Variants in GRB10 observed in about 807,000 individuals in gnomAD.
GRB10 encodes the protein growth factor receptor-bound protein 10.
In GRB10, 20 loss-of-function variants were observed where a neutral mutation model predicts 80.9. The observed-to-expected ratio is 0.25, with a 90% CI of 0.17 to 0.36. The LOEUF is 0.36. Ranked by LOEUF, GRB10 falls within the 10% of genes least tolerant of loss-of-function variation. The pLI is 1.00. For synonymous variants in GRB10, 291 were observed against 291.5 expected (o/e 1.00, Z 0.02); for missense variants, 548 against 747.7 (o/e 0.73, Z 3.12).
At chr7:50,711,197 G>T (rs1204319368) in intron 4 of GRB10, among the ~76,000 whole-genome samples, 3 of 147,794 alleles carry the variant, frequency 2.0e-5, no homozygotes, top group East Asian at 2.0e-4. Context: ...AAAAGCAACA[G>T]ATGAGAACAG....
chr7:50,729,355 G>A (rs182008118), intron 4 of GRB10: 18 of 152,298 alleles, frequency 1.2e-4, no homozygotes, highest in African/African-American at 3.4e-4. Flanking sequence ...CATTGTGTAC[G>A]GAAGTTTGTA....
chr7:50,597,340 C>A (rs2046842003), intron 17 of GRB10, among the ~76,000 whole-genome samples: 1 of 152,232 alleles, frequency 6.6e-6, no homozygotes, highest in Non-Finnish European at 1.5e-5. Flanking sequence ...GAAGCTCAGA[C>A]CCCACTGGGG....
chr7:50,732,170 C>T, intron 4 of GRB10, 102 bp downstream of exon 4: 2 of 1,201,912 alleles, frequency 1.7e-6, no homozygotes. Flanking sequence ...GTCCTAGTGA[C>T]CTGAGAGCTA....
intron 4 of GRB10, among the ~76,000 whole-genome samples, chr7:50,716,207 T>C (rs917329272): frequency 2.0e-5 from 3 of 152,150 alleles, no homozygotes; most frequent in Non-Finnish European, 4.4e-5. Context: ...TCCTTACGCA[T>C]GGGACACAAG....
chr7:50,627,614 G>A (rs968352045), intron 7 of GRB10, among the ~76,000 whole-genome samples: 11 of 152,160 alleles, frequency 7.2e-5, no homozygotes, highest in Admixed American at 3.3e-4. Flanking sequence ...TCATTTGCCC[G>A]GTGCTGTTCA....
upstream of GRB10, among the ~76,000 whole-genome samples, chr7:50,784,412 G>T (rs748388154): frequency 1.3e-5 from 2 of 152,172 alleles, no homozygotes; most frequent in Non-Finnish European, 2.9e-5. Context: ...AAGGTGGCTC[G>T]AGTGTTCCTC....
intron 2 of GRB10, chr7:50,779,881 A>G (rs1255832454): frequency 6.6e-6 from 1 of 152,218 alleles, no homozygotes; most frequent in East Asian, 1.9e-4. Flanking sequence ...TGAGGCATCT[A>G]GAGTTCAGCC....
chr7:50,709,982 A>T (rs566457982), intron 4 of GRB10, among the ~76,000 whole-genome samples: 1 of 152,176 alleles, frequency 6.6e-6, no homozygotes, highest in South Asian at 2.1e-4. Flanking sequence ...TGACTGCTGT[A>T]TGCCTCTCAC....
chr7:50,646,054 C>T (rs2057133918), intron 7 of GRB10, among the ~76,000 whole-genome samples: 2 of 152,208 alleles, frequency 1.3e-5, no homozygotes, highest in Admixed American at 1.3e-4. Flanking sequence ...CCAACCTATC[C>T]ATCTGTCTAT....
rs1319434305 is a variant in GRB10 at position 50,672,655 on chromosome 7, C to T, written c.362+1781G>A. Among the ~76,000 whole-genome samples, 12 of 152,236 alleles carry T rather than the reference C, an allele frequency of 7.9e-5. No homozygotes were observed. The East Asian group carries it at 2.3e-3, about 30-fold the overall frequency. On this transcript the variant is annotated intron_variant, in intron 6 of 18. Transcript: ENST00000401949. ...CAGGTAGTCCCGGGGCACATATGGGCGAGTTCAGCCAGAACTCGAGGTTCA... is the reference window on the plus strand; with the variant it reads ...CAGGTAGTCCCGGGGCACATATGGGTGAGTTCAGCCAGAACTCGAGGTTCA...
intron 13 of GRB10, 168 bp from the exon 14 acceptor site, chr7:50,606,582 G>A: frequency 9.1e-6 from 6 of 657,232 alleles, no homozygotes; most frequent in South Asian, 8.1e-5. Flanking sequence ...ACAGGGATTA[G>A]GAGCAATGAC....
At position 50,703,853 on chromosome 7, in the gene GRB10, G is replaced by A. The variant is rs35647889; in HGVS notation, c.107C>T (p.Pro36Leu). Reference protein sequence around the residue: ...SQQDPAGPGLPAQSDRLANHQ... With the variant: ...SQQDPAGPGLLAQSDRLANHQ... ...ATTCGCAAGTCGGTCAGACTGTGCGGGGAGTCCTGGTCCTGCCGGGTCTTG... is the reference window on the plus strand; with the variant it reads ...ATTCGCAAGTCGGTCAGACTGTGCGAGGAGTCCTGGTCCTGCCGGGTCTTG... The change falls in exon 5 of 19, where the codon CCC (proline) becomes CTC (leucine). Residue 36 changes from proline to leucine, a missense_variant. Pro to Leu is a moderately conservative substitution (Grantham distance 98, BLOSUM62 -3). Transcript: ENST00000401949. The A allele has an allele frequency of 3.6e-3, 5,853 of 1,613,398 alleles. 183 individuals are homozygous for A. The African/African-American group carries it at 0.064, about 18-fold the overall frequency.
chr7:50,703,592 G>A lies in GRB10; in HGVS notation c.139+229C>T, dbSNP rs1019513153. Among the ~76,000 whole-genome samples the A allele has an allele frequency of 2.0e-5, 3 of 152,308 alleles. No individual in the cohort carries two copies. The East Asian group carries it at 5.8e-4, about 29-fold the overall frequency. The stretch of plus-strand genomic sequence containing the variant: ...AAACCTAGATAACTCGTATGAAACT[G>A]ATCGTGAAGTTTTGCTCACTGAAGT... On this transcript the variant is annotated intron_variant, in intron 5 of 18. Coordinates refer to ENST00000401949, the MANE Select transcript of GRB10 (RefSeq NM_001350814.2).
chr7:50,690,678 A>G (rs1165348750), intron 5 of GRB10, among the ~76,000 whole-genome samples: 1 of 90,444 alleles, frequency 1.1e-5, no homozygotes, highest in Non-Finnish European at 3.3e-5. Flanking sequence ...GAATGAACGA[A>G]TGAACGAATG....
intron 3 of GRB10, among the ~76,000 whole-genome samples, chr7:50,735,772 T>A (rs2070691368): frequency 6.6e-6 from 1 of 152,174 alleles, no homozygotes; most frequent in South Asian, 2.1e-4. Flanking sequence ...AATACAAACA[T>A]GAAATTTGGT....
chr7:50,722,683 G>A (rs1338717919), intron 4 of GRB10, among the ~76,000 whole-genome samples: 1 of 152,046 alleles, frequency 6.6e-6, no homozygotes, highest in Non-Finnish European at 1.5e-5. Flanking sequence ...AGAATGCCAG[G>A]GTGACAAGGT....
intron 8 of GRB10, among the ~76,000 whole-genome samples, chr7:50,620,434 C>T (rs1585802685): frequency 6.6e-6 from 1 of 151,244 alleles, no homozygotes; most frequent in Non-Finnish European, 1.5e-5. Context: ...AAAGACTTTC[C>T]GTCTACAACG....
chr7:50,626,227 G>A (rs2052860959), intron 8 of GRB10, among the ~76,000 whole-genome samples: 1 of 152,194 alleles, frequency 6.6e-6, no homozygotes, highest in South Asian at 2.1e-4. Context: ...TTTTAGGCAT[G>A]ACATGGGCAC....
At chr7:50,673,339 T>C (rs1016289650) in intron 6 of GRB10, among the ~76,000 whole-genome samples, 2 of 152,126 alleles carry the variant, frequency 1.3e-5, no homozygotes, top group East Asian at 1.9e-4. Flanking sequence ...GACAGGCGGA[T>C]CCTTGAGGGC....
Sources: gnomAD v4.1 joint callset for allele counts (sites outside exome capture counted in the v4.1 genomes callset) on GRCh38, gnomAD v4.1.1 for gene constraint, MANE v1.5 for transcripts, NCBI Gene and HGNC (gene_info 2026-07-23, HGNC 2026-07-21) for gene names.